Variants in ADIPOR2 observed in about 807,000 individuals in gnomAD.
ADIPOR2 encodes the protein adiponectin receptor protein 2.
ADIPOR2 carries 18 observed loss-of-function variants against 40.9 expected under a neutral mutation model. The observed-to-expected ratio is 0.44, with a 90% CI of 0.30 to 0.65. The LOEUF is 0.65. ADIPOR2 is among the 30% of genes least tolerant of loss of function. ADIPOR2 has a pLI of 0.09. For missense variants in ADIPOR2, 283 were observed against 479.2 expected, an observed-to-expected ratio of 0.59 and a Z score of 3.82; for synonymous variants, 165 against 166.4, an observed-to-expected ratio of 0.99 and a Z score of 0.06.
At chr12:1,698,306 C>T (rs779616742) in intron 1 of ADIPOR2, among the ~76,000 whole-genome samples, 12 of 151,974 alleles carry the variant, frequency 7.9e-5, no homozygotes, top group Non-Finnish European at 1.6e-4. Flanking sequence ...GGCACAATCA[C>T]GGCTCACTGC....
rs1344141724 is a variant in ADIPOR2, at chr12:1,780,506, C to T, written c.519C>T (p.Ser173=). The change falls in exon 5 of 8, where the codon TCC becomes TCT. Residue 173 remains serine, a synonymous_variant. Transcript: ENST00000357103. ...TTTATATGTTTCGCCCAAATATCTC[C>T]TTTGTGGCCCCTCTGCAAGAGAAGG... ...GIFYMFRPNI[S]FVAPLQEKVV... 1 of 1,613,752 alleles carries T rather than the reference C, an allele frequency of 6.2e-7. No individual in the cohort carries two copies. Among genetic ancestry groups the T allele is most frequent in the Non-Finnish European group, 8.5e-7 (1 of 1,179,882 alleles).
At chr12:1,729,626 T>G (rs2094715628) in intron 1 of ADIPOR2, among the ~76,000 whole-genome samples, 1 of 39,930 alleles carries the variant, frequency 2.5e-5, no homozygotes, top group Admixed American at 5.3e-4. Flanking sequence ...TGTTTTTTTT[T>G]TTTTTTTTTT....
chr12:1,772,830 A>G lies in ADIPOR2; in HGVS notation c.172-12A>G, dbSNP rs202100925. On this transcript the variant is annotated splice_polypyrimidine_tract_variant and intron_variant, in intron 2 of 7. Coordinates refer to ENST00000357103, the MANE Select transcript of ADIPOR2 (RefSeq NM_024551.3). ...GTCTCTGTCCTTGACTGTTTCTGTGATTGCCTTGCAGAGCTCTGAGGAACA... is the reference window on the plus strand; with the variant it reads ...GTCTCTGTCCTTGACTGTTTCTGTGGTTGCCTTGCAGAGCTCTGAGGAACA... 5.3e-5 allele frequency: 84 copies of G among 1,598,884 alleles called. 1 individual carries two copies. The East Asian group carries it at 1.9e-3, about 35-fold the overall frequency.
At position 1,711,992 on chromosome 12, in the gene ADIPOR2, A is replaced by G. The variant is rs540265720; in HGVS notation, c.-87+20801A>G. Among the ~76,000 whole-genome samples, 17 of 152,178 alleles carry G rather than the reference A, an allele frequency of 1.1e-4. No homozygotes were observed. In the East Asian group the frequency reaches 2.7e-3, roughly 24 times the overall value. On this transcript the variant is annotated intron_variant, in intron 1 of 7. Transcript: ENST00000357103. ...TATTCTTTTTCCCTTTCCCAGTTCT[A>G]AGGCTTGGGTAAGTGCCACTAGTTC...
At chr12:1,747,883 T>G (rs1314938146) in intron 1 of ADIPOR2, among the ~76,000 whole-genome samples, 1 of 152,148 alleles carries the variant, frequency 6.6e-6, no homozygotes, top group Non-Finnish European at 1.5e-5. Flanking sequence ...ACATTTTTAC[T>G]GTGAGGCATC....
chr12:1,772,301 A>C (rs1230487194), intron 2 of ADIPOR2, among the ~76,000 whole-genome samples: 1 of 152,202 alleles, frequency 6.6e-6, no homozygotes, highest in Non-Finnish European at 1.5e-5. Context: ...TTATATGTTA[A>C]ATGGGAATGA....
intron 3 of ADIPOR2, among the ~76,000 whole-genome samples, chr12:1,775,861 T>TTC (rs76198169): frequency 0.97 from 148,276 of 152,274 alleles, 72,317 homozygotes; most frequent in East Asian, 1. Context: ...CTGATCCCCT[T>TTC]TCTCTTTCTC....
At chr12:1,693,237 G>A (rs549904346) in intron 1 of ADIPOR2, among the ~76,000 whole-genome samples, 1 of 152,292 alleles carries the variant, frequency 6.6e-6, no homozygotes, top group East Asian at 1.9e-4. Context: ...TTCTTTTGGG[G>A]TACAGCAGCA....
At chr12:1,723,435 G>A (rs140960808) in intron 1 of ADIPOR2, among the ~76,000 whole-genome samples, 1 of 145,120 alleles carries the variant, frequency 6.9e-6, no homozygotes, top group Non-Finnish European at 1.5e-5. Context: ...TTGGAGCCTG[G>A]CCAACATAGT....
rs1210330843 is a variant in ADIPOR2, at chr12:1,780,513, G to T, written c.526G>T (p.Ala176Ser). Residue 176 changes from alanine (A) to serine (S), a missense_variant, in exon 5 of 8, where the codon GCC (alanine) becomes TCC (serine). Coordinates refer to ENST00000357103, the MANE Select transcript of ADIPOR2 (RefSeq NM_024551.3). The stretch of plus-strand genomic sequence containing the variant: ...GTTTCGCCCAAATATCTCCTTTGTG[G>T]CCCCTCTGCAAGAGAAGGTGGTCTT... The part of the protein sequence containing the change: ...YMFRPNISFV[A>S]PLQEKVVFGL... 5.0e-6 allele frequency: 8 copies of T among 1,613,562 alleles called. No homozygotes were observed. The East Asian group carries it at 1.3e-4, about 27-fold the overall frequency.
At chr12:1,735,350 T>G (rs1456086404) in intron 1 of ADIPOR2, among the ~76,000 whole-genome samples, 1 of 152,220 alleles carries the variant, frequency 6.6e-6, no homozygotes, top group African/African-American at 2.4e-5. Context: ...TTATTCTCTT[T>G]GAAGCAATTG....
At chr12:1,732,296 T>A (rs761521992) in intron 1 of ADIPOR2, among the ~76,000 whole-genome samples, 2 of 152,236 alleles carry the variant, frequency 1.3e-5, no homozygotes, top group African/African-American at 4.8e-5. Context: ...TTCACTGCCC[T>A]AAATACTCAG....
At chr12:1,721,303 C>T (rs1474306449) in intron 1 of ADIPOR2, among the ~76,000 whole-genome samples, 1 of 144,970 alleles carries the variant, frequency 6.9e-6, no homozygotes, top group Non-Finnish European at 1.5e-5. Flanking sequence ...GCAACCTCCA[C>T]CTCCCGGGTT....
rs59141974 is a variant in ADIPOR2 at position 1,777,382 on chromosome 12, C to CTT, written c.292-452_292-451dup. Among the ~76,000 whole-genome samples, 311 of 98,724 alleles carry CTT rather than the reference C, an allele frequency of 3.2e-3. 4 individuals are homozygous for CTT. Among genetic ancestry groups the CTT allele is most frequent in the East Asian group, 0.016 (50 of 3,206 alleles). 64.8% of individuals were successfully genotyped at this position (98,724 alleles called of 152,430 possible). On this transcript the variant is annotated intron_variant, in intron 3 of 7. Coordinates refer to ENST00000357103, the MANE Select transcript of ADIPOR2 (RefSeq NM_024551.3). ...CCACTTAAAAGTATATTTTTTCTTT[C>CTT]TTTTTTTTTTTTTTTTTTTTTGAGG...
At chr12:1,774,267 A>G (rs935783447) in intron 3 of ADIPOR2, among the ~76,000 whole-genome samples, 1 of 152,260 alleles carries the variant, frequency 6.6e-6, no homozygotes, top group Admixed American at 6.5e-5. Context: ...TGAACAGAGA[A>G]CAAAGAATAA....
At chr12:1,753,104 G>A (rs1183222998) in intron 1 of ADIPOR2, among the ~76,000 whole-genome samples, 3 of 152,082 alleles carry the variant, frequency 2.0e-5, no homozygotes, top group Non-Finnish European at 2.9e-5. Context: ...CCACATATAT[G>A]AAACTAAATC....
At chr12:1,764,842 T>A (rs1171231225) in intron 2 of ADIPOR2, among the ~76,000 whole-genome samples, 1 of 152,224 alleles carries the variant, frequency 6.6e-6, no homozygotes, top group Non-Finnish European at 1.5e-5. Flanking sequence ...GTTTGTGAAA[T>A]TCATCTGTAT....
chr12:1,754,302 A>G lies in ADIPOR2; in HGVS notation c.-42A>G. On this transcript the variant is annotated 5_prime_UTR_variant, in exon 2 of 8. Transcript: ENST00000357103. ...AGGTCCATTCTCCCAAGAAGAGGGGACAGAAAGACAGATCTATTTGTAAGA... is the reference window on the plus strand; with the variant it reads ...AGGTCCATTCTCCCAAGAAGAGGGGGCAGAAAGACAGATCTATTTGTAAGA... 2.0e-6 allele frequency: 3 copies of G among 1,513,806 alleles called. No individual in the cohort carries two copies. The highest frequency in any genetic ancestry group is 2.7e-6 in the Non-Finnish European group (3 of 1,130,844). The allele number at this position is 1,513,806 out of a possible 1,614,324, so 93.8% of individuals were successfully genotyped here. A position where few individuals can be genotyped will look rare whatever the true frequency, so the allele number is the denominator to read the frequency against.
chr12:1,775,249 A>G (rs1862566297), intron 3 of ADIPOR2, among the ~76,000 whole-genome samples: 1 of 152,256 alleles, frequency 6.6e-6, no homozygotes, highest in Non-Finnish European at 1.5e-5. Context: ...TTATAAATAA[A>G]TATGTCTTTG....
Sources: allele counts gnomAD v4.1 joint callset (sites outside exome capture counted in the v4.1 genomes callset), GRCh38; gene constraint gnomAD v4.1.1; transcripts MANE v1.5; gene names NCBI Gene and HGNC (gene_info 2026-07-23, HGNC 2026-07-21).